SLC9A9: variants seen among roughly 807,000 people sequenced by gnomAD.
SLC9A9 encodes solute carrier family 9 member A9, also known as sodium/hydrogen exchanger 9.
In SLC9A9, 62 loss-of-function variants were observed where a neutral mutation model predicts 77.8. That is an observed-to-expected ratio of 0.80 (90% confidence interval 0.65 to 0.98). The LOEUF is 0.98. Ranked by LOEUF, SLC9A9 falls within the 50% of genes least tolerant of loss-of-function variation. SLC9A9 has a pLI of 0.00. For missense variants in SLC9A9, 775 were observed against 774.9 expected, an observed-to-expected ratio of 1.00 and a Z score of 0.00; for synonymous variants, 320 against 283.5, an observed-to-expected ratio of 1.13 and a Z score of -1.29.
chr3:143,845,402 T>C (rs1045804902), intron 1 of SLC9A9, among the ~76,000 whole-genome samples: 1 of 152,218 alleles, frequency 6.6e-6, no homozygotes, highest in Admixed American at 6.5e-5. Flanking sequence ...ACTATTTTAT[T>C]ACATTACTGA....
intron 9 of SLC9A9, among the ~76,000 whole-genome samples, chr3:143,508,936 T>C (rs1014162592): frequency 6.6e-6 from 1 of 152,220 alleles, no homozygotes; most frequent in African/African-American, 2.4e-5. Flanking sequence ...TAAACAGTGA[T>C]ATTAAAACTC....
intron 5 of SLC9A9, among the ~76,000 whole-genome samples, chr3:143,661,401 A>C (rs1261719): frequency 0.33 from 50,380 of 151,924 alleles, 9,946 homozygotes; most frequent in African/African-American, 0.56. Flanking sequence ...CTGTGAGGAC[A>C]CAGCCTTCCT....
At chr3:143,297,508 G>C (rs1191999778) in intron 14 of SLC9A9, among the ~76,000 whole-genome samples, 1 of 151,970 alleles carries the variant, frequency 6.6e-6, no homozygotes, top group Non-Finnish European at 1.5e-5. Context: ...AGATAGCTTT[G>C]GCTATTCTTG....
intron 10 of SLC9A9, 134 bp from the exon 11 acceptor site, chr3:143,493,898 AT>A (rs2035791260): frequency 2.8e-6 from 2 of 709,596 alleles, no homozygotes; most frequent in Non-Finnish European, 5.0e-6. Flanking sequence ...GTCAATTCAC[AT>A]TTGTCCAACT....
intron 14 of SLC9A9, among the ~76,000 whole-genome samples, chr3:143,294,205 T>C (rs1223913984): frequency 6.6e-6 from 1 of 152,194 alleles, no homozygotes; most frequent in East Asian, 1.9e-4. Context: ...GGGATTCACT[T>C]AACCTCAAAT....
chr3:143,367,776 A>C (rs370817688), intron 13 of SLC9A9, among the ~76,000 whole-genome samples: 2 of 152,208 alleles, frequency 1.3e-5, no homozygotes, highest in Non-Finnish European at 2.9e-5. Context: ...AGCAGTCATC[A>C]CAAGTTGAAT....
At chr3:143,828,570 C>T (rs1269186025) in intron 2 of SLC9A9, among the ~76,000 whole-genome samples, 1 of 152,060 alleles carries the variant, frequency 6.6e-6, no homozygotes, top group Non-Finnish European at 1.5e-5. Flanking sequence ...CCCCAACACA[C>T]ACACACACAC....
intron 5 of SLC9A9, among the ~76,000 whole-genome samples, chr3:143,679,107 T>C (rs202128816): frequency 6.7e-6 from 1 of 150,300 alleles, no homozygotes; most frequent in Non-Finnish European, 1.5e-5. Flanking sequence ...CACACAGCAG[T>C]AAAAAAAAGC....
At chr3:143,314,323 C>T (rs2031128602) in intron 14 of SLC9A9, 1 of 152,378 alleles carries the variant, frequency 6.6e-6, no homozygotes, top group African/African-American at 2.4e-5. Flanking sequence ...CCTTCCTGCT[C>T]ACAATCCTCC....
At chr3:143,810,596 G>A (rs2008839389) in intron 2 of SLC9A9, among the ~76,000 whole-genome samples, 1 of 152,160 alleles carries the variant, frequency 6.6e-6, no homozygotes, top group Non-Finnish European at 1.5e-5. Flanking sequence ...ATATATGCAT[G>A]GGCAAATGAA....
At chr3:143,640,884 G>T (rs1019226188) in intron 6 of SLC9A9, among the ~76,000 whole-genome samples, 1 of 152,074 alleles carries the variant, frequency 6.6e-6, no homozygotes, top group African/African-American at 2.4e-5. Context: ...AAACTGATTT[G>T]TTGCCTAGAA....
chr3:143,661,257 C>A (rs769064604), intron 5 of SLC9A9, among the ~76,000 whole-genome samples: 7 of 152,122 alleles, frequency 4.6e-5, no homozygotes, highest in Non-Finnish European at 8.8e-5. Context: ...TTTGTATTTT[C>A]TAAAATTTCT....
At chr3:143,515,669 C>G (rs2036193458) in intron 9 of SLC9A9, among the ~76,000 whole-genome samples, 1 of 152,096 alleles carries the variant, frequency 6.6e-6, no homozygotes, top group South Asian at 2.1e-4. Flanking sequence ...ATTATTTTCT[C>G]TTCATTTGTT....
chr3:143,493,831 T>TA, intron 10 of SLC9A9, 67 bp from the exon 11 acceptor site: 1 of 1,138,784 alleles, frequency 8.8e-7, no homozygotes, highest in Admixed American at 1.7e-5. Context: ...TCCTTGAGCT[T>TA]AAATATTATG....
At chr3:143,613,477 G>T (rs1027202778) in intron 6 of SLC9A9, among the ~76,000 whole-genome samples, 1 of 152,174 alleles carries the variant, frequency 6.6e-6, no homozygotes, top group African/African-American at 2.4e-5. Flanking sequence ...TTCCAGAAAG[G>T]TATGTTAAGT....
At chr3:143,636,565 A>T (rs6802019) in intron 6 of SLC9A9, among the ~76,000 whole-genome samples, 1 of 151,962 alleles carries the variant, frequency 6.6e-6, no homozygotes. Flanking sequence ...TAGTGTATCC[A>T]TCACCCAAAT....
intron 9 of SLC9A9, among the ~76,000 whole-genome samples, chr3:143,545,089 A>G (rs538089568): frequency 6.6e-6 from 1 of 152,184 alleles, no homozygotes; most frequent in Admixed American, 6.5e-5. Flanking sequence ...GTATGGTTTC[A>G]ATTTGGGTAA....
intron 11 of SLC9A9, among the ~76,000 whole-genome samples, chr3:143,480,105 C>T (rs1321987648): frequency 6.6e-6 from 1 of 152,192 alleles, no homozygotes; most frequent in East Asian, 1.9e-4. Context: ...CACACAGTTC[C>T]AGGTGGCTGA....
At chr3:143,714,680 T>C (rs1451725680) in intron 4 of SLC9A9, among the ~76,000 whole-genome samples, 1 of 152,220 alleles carries the variant, frequency 6.6e-6, no homozygotes, top group Non-Finnish European at 1.5e-5. Context: ...TTCTCCACCC[T>C]TTCCACCAAA....
Sources: allele counts gnomAD v4.1 joint callset (sites outside exome capture counted in the v4.1 genomes callset), GRCh38; gene constraint gnomAD v4.1.1; transcripts MANE v1.5; gene names NCBI Gene and HGNC (gene_info 2026-07-23, HGNC 2026-07-21).